ADAMTSL1: variants seen among roughly 807,000 people sequenced by gnomAD.
ADAMTSL1 encodes ADAMTS-like protein 1.
In ADAMTSL1, 126 loss-of-function variants were observed where a neutral mutation model predicts 201.8. The ratio of observed to expected loss-of-function variants is 0.62; its 90% CI spans 0.54 to 0.72. ADAMTSL1 has a LOEUF of 0.72. Among genes scored for constraint, ADAMTSL1 ranks in the 30% least tolerant of loss-of-function variants. The pLI, the probability that ADAMTSL1 is intolerant of heterozygous loss-of-function variation, is 0.00. For missense variants in ADAMTSL1, 2,679 were observed against 2,277.8 expected, an observed-to-expected ratio of 1.18 and a Z score of -3.59; for synonymous variants, 1,121 against 903.4, an observed-to-expected ratio of 1.24 and a Z score of -4.32.
chr9:18,720,837 G>T (rs1833304761), intron 14 of ADAMTSL1, among the ~76,000 whole-genome samples: 1 of 152,176 alleles, frequency 6.6e-6, no homozygotes, highest in Admixed American at 6.5e-5. Flanking sequence ...AAACCACCTT[G>T]GAGAACTTCC....
At chr9:18,614,008 C>T (rs545191452) in intron 4 of ADAMTSL1, among the ~76,000 whole-genome samples, 23 of 152,244 alleles carry the variant, frequency 1.5e-4, no homozygotes, top group African/African-American at 4.6e-4. Flanking sequence ...CAGACAACTG[C>T]CGTCGAAGTG....
intron 1 of ADAMTSL1, among the ~76,000 whole-genome samples, chr9:17,987,285 T>C (rs942959543): frequency 6.6e-6 from 1 of 152,086 alleles, no homozygotes; most frequent in African/African-American, 2.4e-5. Flanking sequence ...TTTCCCCAGA[T>C]GATAAGCACC....
intron 1 of ADAMTSL1, among the ~76,000 whole-genome samples, chr9:18,128,742 T>C (rs10756937): frequency 0.4 from 61,292 of 151,876 alleles, 13,424 homozygotes; most frequent in South Asian, 0.49. Context: ...CCCCTTTTTT[T>C]CAATTCCCAT....
At chr9:18,435,869 C>G (rs1279017563) in intron 2 of ADAMTSL1, among the ~76,000 whole-genome samples, 1 of 152,142 alleles carries the variant, frequency 6.6e-6, no homozygotes, top group Non-Finnish European at 1.5e-5. Context: ...AGGAAAGACC[C>G]GTCCCCATGA....
At position 18,504,810 on chromosome 9, in the gene ADAMTSL1, A is replaced by G. The variant is rs566513595; in HGVS notation, c.64-19A>G. 1.1e-5 allele frequency: 17 copies of G among 1,614,182 alleles called. No homozygotes were observed. The highest frequency in any genetic ancestry group is 1.3e-5 in the African/African-American group (1 of 75,070). On this transcript the variant is annotated intron_variant, in intron 1 of 28. Transcript: ENST00000380548. ...TTCCATGGGGGATATGATGCTGACC[A>G]TTCTTTTGTTTCTCACAGAGTTCCA... is the stretch of plus-strand genomic sequence containing the variant.
At chr9:18,044,569 C>G (rs1019608694) in intron 1 of ADAMTSL1, among the ~76,000 whole-genome samples, 1 of 152,176 alleles carries the variant, frequency 6.6e-6, no homozygotes, top group African/African-American at 2.4e-5. Flanking sequence ...TTCTCCACCA[C>G]TTCCTTTAGC....
At chr9:18,302,828 C>A (rs1043441602) in intron 2 of ADAMTSL1, among the ~76,000 whole-genome samples, 8 of 152,064 alleles carry the variant, frequency 5.3e-5, no homozygotes, top group Non-Finnish European at 7.4e-5. Flanking sequence ...AGGCAGTTTA[C>A]TTTTTAACTT....
chr9:18,813,661 G>A (rs1362736714), intron 20 of ADAMTSL1, among the ~76,000 whole-genome samples: 2 of 152,100 alleles, frequency 1.3e-5, no homozygotes, highest in Admixed American at 6.5e-5. Flanking sequence ...TTTGTTTGTT[G>A]ATTTTAAATC....
At chr9:18,191,099 G>A (rs1448502499) in intron 2 of ADAMTSL1, among the ~76,000 whole-genome samples, 1 of 152,188 alleles carries the variant, frequency 6.6e-6, no homozygotes, top group Non-Finnish European at 1.5e-5. Flanking sequence ...ATATATTTCT[G>A]CTGGCAGGTG....
At chr9:18,640,054 G>C (rs147069417) in intron 7 of ADAMTSL1, among the ~76,000 whole-genome samples, 1 of 152,252 alleles carries the variant, frequency 6.6e-6, no homozygotes, top group Non-Finnish European at 1.5e-5. Context: ...AACTTGTAAT[G>C]TGTCCAGGAC....
chr9:18,891,523 C>A (rs1829274396), intron 25 of ADAMTSL1, among the ~76,000 whole-genome samples: 1 of 152,318 alleles, frequency 6.6e-6, no homozygotes, highest in East Asian at 1.9e-4. Context: ...TCCGAGTGTT[C>A]CTAGTTTACA....
intron 1 of ADAMTSL1, among the ~76,000 whole-genome samples, chr9:17,908,737 C>G (rs1290663083): frequency 6.6e-6 from 1 of 152,208 alleles, no homozygotes; most frequent in Non-Finnish European, 1.5e-5. Context: ...GGATTACAGG[C>G]GTGAGCCACT....
intron 15 of ADAMTSL1, among the ~76,000 whole-genome samples, chr9:18,726,890 C>T (rs1026244191): frequency 6.6e-6 from 1 of 152,104 alleles, no homozygotes; most frequent in African/African-American, 2.4e-5. Context: ...TGGTTTCTGC[C>T]CTCCCCCTGC....
chr9:18,389,458 T>C (rs908819359), intron 2 of ADAMTSL1, among the ~76,000 whole-genome samples: 7 of 152,174 alleles, frequency 4.6e-5, no homozygotes, highest in African/African-American at 1.7e-4. Flanking sequence ...CCCAGTTCTT[T>C]TATCCAATCA....
intron 15 of ADAMTSL1, among the ~76,000 whole-genome samples, chr9:18,738,844 C>G (rs1266720057): frequency 1.3e-5 from 2 of 152,184 alleles, no homozygotes; most frequent in African/African-American, 4.8e-5. Context: ...AAGACCAATT[C>G]TTTCTATTTT....
intron 1 of ADAMTSL1, among the ~76,000 whole-genome samples, chr9:17,938,019 C>T (rs984287495): frequency 6.6e-6 from 1 of 152,110 alleles, no homozygotes; most frequent in Non-Finnish European, 1.5e-5. Flanking sequence ...GAATCAGAAA[C>T]AGATGGATTT....
At chr9:18,787,831 G>A (rs1056792853) in intron 19 of ADAMTSL1, among the ~76,000 whole-genome samples, 26 of 152,150 alleles carry the variant, frequency 1.7e-4, no homozygotes, top group Non-Finnish European at 1.9e-4. Context: ...ATCCCTAGTG[G>A]ATAGGAAATC....
intron 2 of ADAMTSL1, among the ~76,000 whole-genome samples, chr9:18,334,633 A>G (rs561649102): frequency 6.6e-6 from 1 of 152,286 alleles, no homozygotes; most frequent in Admixed American, 6.5e-5. Flanking sequence ...AAACCAATTC[A>G]TCTATCTAAT....
At chr9:18,509,625 C>T (rs1003184779) in intron 2 of ADAMTSL1, among the ~76,000 whole-genome samples, 10 of 152,152 alleles carry the variant, frequency 6.6e-5, no homozygotes, top group Non-Finnish European at 2.9e-5. Flanking sequence ...CTCCAGCAGG[C>T]TAGCCTAGGC....
Sources: allele counts gnomAD v4.1 joint callset (sites outside exome capture counted in the v4.1 genomes callset), GRCh38; gene constraint gnomAD v4.1.1; transcripts MANE v1.5; gene names NCBI Gene and HGNC (gene_info 2026-07-23, HGNC 2026-07-21).